Variants in MCCC1 observed in about 807,000 individuals in gnomAD.
MCCC1 encodes methylcrotonoyl-CoA carboxylase subunit alpha, mitochondrial.
In MCCC1, 64 loss-of-function variants were observed where a neutral mutation model predicts 83.8. The observed-to-expected ratio is 0.76, with a 90% CI of 0.62 to 0.94. The LOEUF (loss-of-function observed/expected upper bound fraction) is 0.94. MCCC1 is among the 40% of genes least tolerant of loss of function. The probability of loss-of-function intolerance (pLI) is 0.00; values close to 1 mark genes in which losing one functional copy is unlikely to be tolerated. For synonymous variants in MCCC1, 322 were observed against 315.4 expected (o/e 1.02, Z -0.22); for missense variants, 807 against 904.7 (o/e 0.89, Z 1.39).
At chr3:183,053,310 G>A (rs762984494) in intron 8 of MCCC1, among the ~76,000 whole-genome samples, 1 of 151,870 alleles carries the variant, frequency 6.6e-6, no homozygotes, top group African/African-American at 2.4e-5. Flanking sequence ...GCAACATGGC[G>A]AGACCCTGTC....
At chr3:183,051,039 G>T (rs570628788) in intron 9 of MCCC1, among the ~76,000 whole-genome samples, 1 of 152,298 alleles carries the variant, frequency 6.6e-6, no homozygotes, top group Middle Eastern at 3.4e-3. Context: ...AGAGGATTTG[G>T]AGCAACAGGA....
chr3:183,040,098 G>GAAAA (rs57389038), intron 11 of MCCC1, among the ~76,000 whole-genome samples: 19 of 34,596 alleles, frequency 5.5e-4, no homozygotes, highest in Admixed American at 9.9e-4. Flanking sequence ...CTCCATCTCA[G>GAAAA]AAAAAAAAAA....
At chr3:183,082,913 C>T (rs1241457062) in intron 4 of MCCC1, among the ~76,000 whole-genome samples, 3 of 152,020 alleles carry the variant, frequency 2.0e-5, no homozygotes, top group African/African-American at 7.2e-5. Context: ...TCACTTGAGT[C>T]CATGAGTTCA....
intron 1 of MCCC1, 81 bp downstream of exon 1, chr3:183,099,271 G>A (rs1718972938): frequency 1.3e-6 from 2 of 1,497,386 alleles, no homozygotes; most frequent in East Asian, 4.9e-5. Flanking sequence ...CCTGGGTTCC[G>A]CCGCACCTCC....
intron 10 of MCCC1, 64 bp from the exon 11 acceptor site, chr3:183,041,814 A>C: frequency 3.2e-6 from 5 of 1,575,958 alleles, no homozygotes; most frequent in Non-Finnish European, 3.5e-6. Flanking sequence ...TTAGTAAATC[A>C]ATGGTCTTGC....
intron 10 of MCCC1, 97 bp from the exon 11 acceptor site, chr3:183,041,847 A>T: frequency 1.4e-6 from 2 of 1,413,534 alleles, no homozygotes; most frequent in Non-Finnish European, 2.0e-6. Flanking sequence ...TAAAATGTAC[A>T]TTTAGGTTTT....
intron 11 of MCCC1, among the ~76,000 whole-genome samples, chr3:183,039,900 G>T (rs1221259516): frequency 1.3e-5 from 2 of 151,894 alleles, no homozygotes; most frequent in Non-Finnish European, 2.9e-5. Flanking sequence ...TTCAAGACCA[G>T]CCTGGCCAAC....
At chr3:183,094,414 A>T in intron 2 of MCCC1, 145 bp downstream of exon 2, 1 of 793,288 alleles carries the variant, frequency 1.3e-6, no homozygotes, top group South Asian at 1.6e-5. Context: ...ACCATGACTT[A>T]ACACTTCCTA....
At chr3:183,017,646 C>T (rs563268104) in intron 17 of MCCC1, 549 of 372,496 alleles carry the variant, frequency 1.5e-3, no homozygotes, top group Non-Finnish European at 2.4e-3. Flanking sequence ...AGACCTACAG[C>T]CCAAATGCAC....
At chr3:183,043,147 G>A (rs770493878) in intron 10 of MCCC1, among the ~76,000 whole-genome samples, 11 of 152,152 alleles carry the variant, frequency 7.2e-5, no homozygotes, top group African/African-American at 2.2e-4. Flanking sequence ...AAAATTAGCC[G>A]GGCATGGTGG....
rs562972800 is a variant in MCCC1 at position 183,048,821 on chromosome 3, T to C, written c.956-3281A>G. Among the ~76,000 whole-genome samples, 3 of 152,298 alleles carry C rather than the reference T, an allele frequency of 2.0e-5. No individual in the cohort carries two copies. The South Asian group carries it at 6.2e-4, about 32-fold the overall frequency. On this transcript the variant is annotated intron_variant, in intron 9 of 18. Coordinates refer to ENST00000265594, the MANE Select transcript of MCCC1 (RefSeq NM_020166.5). ...CACATTCTCAAGCTAGAAAGGAATATTCACCAGGATAGACCACATTCTGGA... is the reference window on the plus strand; with the variant it reads ...CACATTCTCAAGCTAGAAAGGAATACTCACCAGGATAGACCACATTCTGGA...
At position 183,057,298 on chromosome 3, in the gene MCCC1, C is replaced by T. The variant is rs1385679271; in HGVS notation, c.873+13G>A. 6.3e-7 allele frequency: 1 copy of T among 1,575,564 alleles called. No homozygotes were observed. Among genetic ancestry groups the T allele is most frequent in the South Asian group, 1.1e-5 (1 of 87,086 alleles). On this transcript the variant is annotated intron_variant, in intron 8 of 18. Coordinates refer to ENST00000265594, the MANE Select transcript of MCCC1 (RefSeq NM_020166.5). ...TACGGAGAAGCTTACAAATTTCTTTCCAAGGTCCTTACCGCTGGGGCCTCC... is the reference window on the plus strand; with the variant it reads ...TACGGAGAAGCTTACAAATTTCTTTTCAAGGTCCTTACCGCTGGGGCCTCC...
At chr3:183,070,517 G>A (rs897339193) in intron 7 of MCCC1, among the ~76,000 whole-genome samples, 11 of 152,042 alleles carry the variant, frequency 7.2e-5, no homozygotes, top group Admixed American at 2.0e-4. Flanking sequence ...GGTGGATCAC[G>A]AGGTCAGGAG....
At chr3:183,112,782 T>C (rs1560297649) in intron 1 of MCCC1, among the ~76,000 whole-genome samples, 1 of 152,100 alleles carries the variant, frequency 6.6e-6, no homozygotes, top group East Asian at 1.9e-4. Flanking sequence ...TACTTTAAAA[T>C]ATCCTTTGAA....
At chr3:183,037,787 G>A (rs1713750365) in intron 12 of MCCC1, among the ~76,000 whole-genome samples, 3 of 152,126 alleles carry the variant, frequency 2.0e-5, no homozygotes, top group South Asian at 2.1e-4. Flanking sequence ...GCAAGGTATC[G>A]AAGACTTGCT....
chr3:183,083,997 C>T (rs1477949612), intron 4 of MCCC1, among the ~76,000 whole-genome samples: 1 of 152,172 alleles, frequency 6.6e-6, no homozygotes, highest in Non-Finnish European at 1.5e-5. Context: ...TTTCAGATCA[C>T]TGGGGGATCT....
chr3:183,070,312 A>C (rs1453610611), intron 7 of MCCC1, among the ~76,000 whole-genome samples: 1 of 152,258 alleles, frequency 6.6e-6, no homozygotes, highest in African/African-American at 2.4e-5. Flanking sequence ...TTTCATCAAC[A>C]AGAAACATAC....
At chr3:183,031,656 C>T (rs1713085801) in intron 14 of MCCC1, among the ~76,000 whole-genome samples, 1 of 151,786 alleles carries the variant, frequency 6.6e-6, no homozygotes, top group Non-Finnish European at 1.5e-5. Context: ...CACCACCATG[C>T]CTGGCTAATT....
chr3:183,100,996 C>T (rs1352662574), upstream of MCCC1, among the ~76,000 whole-genome samples: 2 of 152,276 alleles, frequency 1.3e-5, no homozygotes, highest in African/African-American at 4.8e-5. Context: ...TCGGAACAGC[C>T]AGCCAGCCCT....
Sources: allele counts gnomAD v4.1 joint callset (sites outside exome capture counted in the v4.1 genomes callset), GRCh38; gene constraint gnomAD v4.1.1; transcripts MANE v1.5; gene names NCBI Gene and HGNC (gene_info 2026-07-23, HGNC 2026-07-21).